ST3GAL3: variants seen among roughly 807,000 people sequenced by gnomAD.
The protein encoded by ST3GAL3 is ST3 beta-galactoside alpha-2,3-sialyltransferase 3.
A neutral mutation model predicts 50.1 loss-of-function variants in ST3GAL3; 21 were observed. The observed-to-expected ratio is 0.42, with a 90% CI of 0.30 to 0.60. The LOEUF is 0.60. ST3GAL3 is among the 20% of genes least tolerant of loss of function. The probability of loss-of-function intolerance (pLI) is 0.19; values close to 1 mark genes in which losing one functional copy is unlikely to be tolerated. For synonymous variants in ST3GAL3, 183 were observed against 190.0 expected, an observed-to-expected ratio of 0.96 and a Z score of 0.30; for missense variants, 353 against 489.4, an observed-to-expected ratio of 0.72 and a Z score of 2.63.
intron 1 of ST3GAL3, among the ~76,000 whole-genome samples, chr1:43,728,247 T>C (rs1344568114): frequency 6.6e-6 from 1 of 152,118 alleles, no homozygotes; most frequent in Non-Finnish European, 1.5e-5. Flanking sequence ...TAGTGGAGAA[T>C]AGTATTTCAA....
At chr1:43,857,469 CTCCTTCCTTCCTTCCT>C (rs5773815) in intron 5 of ST3GAL3, among the ~76,000 whole-genome samples, 1 of 129,330 alleles carries the variant, frequency 7.7e-6, no homozygotes, top group African/African-American at 2.7e-5. Context: ...GTGTATTTCC[CTCCTTCCTTCCTTCCT>C]TCCTTCCTTC....
Position 43,885,887 on chromosome 1 carries a change from A to G in ST3GAL3, c.303-8496A>G, listed in dbSNP as rs142231672. ...CCTGAGGAAGTAGTCTTTCAGCTTG[A>G]TAAGAATGAAACAGAGCAGAGGATG... On this transcript the variant is annotated intron_variant, in intron 5 of 11. Coordinates refer to ENST00000347631, the MANE Select transcript of ST3GAL3 (RefSeq NM_006279.5). Among the ~76,000 whole-genome samples, 432 of 152,324 alleles carry G rather than the reference A, an allele frequency of 2.8e-3. 2 individuals carry two copies. The highest frequency in any genetic ancestry group is 9.6e-3 in the African/African-American group (401 of 41,574).
chr1:43,850,073 G>T (rs906209091), intron 5 of ST3GAL3, among the ~76,000 whole-genome samples: 9 of 152,188 alleles, frequency 5.9e-5, no homozygotes, highest in Admixed American at 4.6e-4. Context: ...AGAAAGCCAG[G>T]TTCAAATTAA....
chr1:43,792,512 T>C (rs2058201549), intron 3 of ST3GAL3, among the ~76,000 whole-genome samples: 1 of 152,208 alleles, frequency 6.6e-6, no homozygotes, highest in East Asian at 1.9e-4. Context: ...CAGATAACCA[T>C]CAGGGCTCTC....
intron 2 of ST3GAL3, among the ~76,000 whole-genome samples, chr1:43,770,221 AGAGGG>A (rs1694557949): frequency 1.6e-5 from 1 of 63,470 alleles, no homozygotes; most frequent in Non-Finnish European, 3.4e-5. Context: ...TGAGGAGAGG[AGAGGG>A]GAGGGGAGGA....
chr1:43,889,017 A>G (rs185683523), intron 5 of ST3GAL3, among the ~76,000 whole-genome samples: 42 of 152,362 alleles, frequency 2.8e-4, no homozygotes, highest in Admixed American at 5.9e-4. Context: ...ACTTTACAAA[A>G]GACTGGAAAC....
chr1:43,716,618 C>CCGTA (rs1338983253), intron 1 of ST3GAL3: 1 of 152,122 alleles, frequency 6.6e-6, no homozygotes, highest in Non-Finnish European at 1.5e-5. Context: ...ACTACATGAA[C>CCGTA]CGTACTACAT....
chr1:43,773,987 A>C (rs960500088), intron 2 of ST3GAL3, among the ~76,000 whole-genome samples: 3 of 152,256 alleles, frequency 2.0e-5, no homozygotes, highest in Admixed American at 1.3e-4. Flanking sequence ...GACATGCTAC[A>C]AGCCAGCTGG....
At chr1:43,894,227 G>C in intron 5 of ST3GAL3, 156 bp from the exon 6 acceptor site, 1 of 747,156 alleles carries the variant, frequency 1.3e-6, no homozygotes, top group Non-Finnish European at 2.4e-6. Flanking sequence ...CAAACCCCTC[G>C]ACAGCTACCC....
intron 3 of ST3GAL3, among the ~76,000 whole-genome samples, chr1:43,793,572 C>T (rs1268865312): frequency 1.3e-5 from 2 of 152,106 alleles, no homozygotes; most frequent in African/African-American, 4.8e-5. Flanking sequence ...ACTCTAGAGC[C>T]CATCCTCTCT....
chr1:43,825,459 G>A (rs1025650326), intron 4 of ST3GAL3, among the ~76,000 whole-genome samples: 2 of 152,064 alleles, frequency 1.3e-5, no homozygotes, highest in Non-Finnish European at 2.9e-5. Flanking sequence ...GCCAATTGAA[G>A]AACTTCCTAT....
chr1:43,784,199 C>G (rs963617320), intron 2 of ST3GAL3, among the ~76,000 whole-genome samples: 2 of 152,066 alleles, frequency 1.3e-5, no homozygotes, highest in African/African-American at 4.8e-5. Context: ...TTCTCCCAGC[C>G]AAAAATTCTC....
chr1:43,911,601 C>T (rs892711840), intron 9 of ST3GAL3, among the ~76,000 whole-genome samples: 1 of 149,294 alleles, frequency 6.7e-6, no homozygotes, highest in Non-Finnish European at 1.5e-5. Context: ...ATATCTGTAG[C>T]TATAGATATC....
chr1:43,916,583 C>G (rs753273289), intron 9 of ST3GAL3: 1 of 152,112 alleles, frequency 6.6e-6, no homozygotes, highest in Non-Finnish European at 1.5e-5. Flanking sequence ...ATCCATAAGA[C>G]AAAATTCCTT....
intron 1 of ST3GAL3, among the ~76,000 whole-genome samples, chr1:43,723,525 A>G (rs985693078): frequency 2.6e-5 from 4 of 152,342 alleles, no homozygotes; most frequent in Non-Finnish European, 5.9e-5. Flanking sequence ...TACAGCCTAC[A>G]GAACTGTAAG....
At chr1:43,842,592 G>A (rs1366403274) in intron 5 of ST3GAL3, 1 of 152,076 alleles carries the variant, frequency 6.6e-6, no homozygotes, top group East Asian at 1.9e-4. Flanking sequence ...GGATCACGAG[G>A]TCAGGGGATC....
At chr1:43,739,938 A>G (rs1459852057) in intron 2 of ST3GAL3, among the ~76,000 whole-genome samples, 1 of 152,234 alleles carries the variant, frequency 6.6e-6, no homozygotes, top group Non-Finnish European at 1.5e-5. Flanking sequence ...ATTATTATAC[A>G]TGTAGTATGA....
At chr1:43,907,589 C>T (rs914542801) in intron 9 of ST3GAL3, among the ~76,000 whole-genome samples, 26 of 152,302 alleles carry the variant, frequency 1.7e-4, no homozygotes, top group African/African-American at 6.3e-4. Context: ...CAAGAACTCT[C>T]GGCTTCCTGC....
intron 2 of ST3GAL3, among the ~76,000 whole-genome samples, chr1:43,787,249 G>C (rs1218461768): frequency 2.0e-5 from 3 of 152,232 alleles, no homozygotes; most frequent in Non-Finnish European, 4.4e-5. Flanking sequence ...GGAACAGCTG[G>C]AGCCTGGGAT....
Sources: allele counts gnomAD v4.1 joint callset (sites outside exome capture counted in the v4.1 genomes callset), GRCh38; gene constraint gnomAD v4.1.1; transcripts MANE v1.5; gene names NCBI Gene and HGNC (gene_info 2026-07-23, HGNC 2026-07-21).